Variants in PDE4B observed in about 807,000 individuals in gnomAD.
PDE4B encodes the protein 3',5'-cyclic-AMP phosphodiesterase 4B.
Under a neutral mutation model 82.2 loss-of-function variants are expected in PDE4B, and 20 were observed. The observed-to-expected ratio is 0.24, with a 90% confidence interval of 0.17 to 0.35. PDE4B has a LOEUF of 0.35. PDE4B is among the 10% of genes least tolerant of loss of function. The pLI, the probability that PDE4B is intolerant of heterozygous loss-of-function variation, is 1.00. For missense variants in PDE4B, 655 were observed against 907.2 expected (o/e 0.72, Z 3.57); for synonymous variants, 320 against 318.9 (o/e 1.00, Z -0.04).
chr1:65,913,239 C>T lies in PDE4B; in HGVS notation c.-70-6C>T. On this transcript the variant is annotated splice_region_variant and splice_polypyrimidine_tract_variant and intron_variant, in intron 1 of 16. Transcript: ENST00000341517. ...GTTCTTTTTTGTGTGTTTTTTTCTC[C>T]TGTAGGTATTAAAAAGTGTCAGCAA... The T allele has an allele frequency of 7.9e-7, 1 of 1,258,844 alleles. No individual in the cohort carries two copies. Among genetic ancestry groups the T allele is most frequent in the Non-Finnish European group, 1.2e-6 (1 of 860,064 alleles). 78.0% of individuals were successfully genotyped at this position (1,258,844 alleles called of 1,614,324 possible).
chr1:66,218,542 T>C (rs1250698565), intron 3 of PDE4B, among the ~76,000 whole-genome samples: 2 of 152,116 alleles, frequency 1.3e-5, no homozygotes, highest in Admixed American at 6.6e-5. Context: ...CTCATTTCAT[T>C]CTGTTTTCCA....
chr1:65,815,362 A>T (rs1054230912), intron 1 of PDE4B, among the ~76,000 whole-genome samples: 2 of 152,148 alleles, frequency 1.3e-5, no homozygotes, highest in South Asian at 4.1e-4. Flanking sequence ...AAGTCACGAG[A>T]CAACACAATT....
In PDE4B at chr1:66,287,847, C is replaced by T. The variant is rs146193978; in HGVS notation, c.634+21760C>T. Among the ~76,000 whole-genome samples the T allele has an allele frequency of 7.6e-4, 116 of 151,988 alleles. No homozygotes were observed. In the Middle Eastern group the frequency reaches 0.01, roughly 13 times the overall value. On this transcript the variant is annotated intron_variant, in intron 7 of 16. Transcript: ENST00000341517. Reference sequence around the variant, plus strand: ...AAGTAGCTGAGCATGGTGGTGTGTACTTGTAAGTCCTAGCTACTTGGGAGG... The same window carrying T: ...AAGTAGCTGAGCATGGTGGTGTGTATTTGTAAGTCCTAGCTACTTGGGAGG...
intron 3 of PDE4B, among the ~76,000 whole-genome samples, chr1:66,164,297 G>T (rs1355056236): frequency 1.3e-5 from 2 of 152,060 alleles, no homozygotes; most frequent in Non-Finnish European, 2.9e-5. Context: ...AGTGCTTTGG[G>T]AGGCCAAGGT....
intron 7 of PDE4B, among the ~76,000 whole-genome samples, chr1:66,267,834 CTTG>C (rs1482467569): frequency 6.6e-6 from 1 of 152,168 alleles, no homozygotes; most frequent in Non-Finnish European, 1.5e-5. Context: ...ACACACATCC[CTTG>C]TTTTGTTCTT....
intron 7 of PDE4B, among the ~76,000 whole-genome samples, chr1:66,272,173 G>A (rs1655538592): frequency 1.3e-5 from 2 of 152,180 alleles, no homozygotes; most frequent in African/African-American, 4.8e-5. Context: ...GGCATGGCAG[G>A]CAGAGCCCTT....
chr1:65,874,238 G>A (rs1218861858), intron 1 of PDE4B, among the ~76,000 whole-genome samples: 1 of 151,740 alleles, frequency 6.6e-6, no homozygotes, highest in Non-Finnish European at 1.5e-5. Context: ...TGGTGTATAA[G>A]AATGCTTGTG....
rs180677136 is a variant in PDE4B at position 66,080,601 on chromosome 1, C to T, written c.281+161766C>T. Among the ~76,000 whole-genome samples the T allele has an allele frequency of 2.5e-3, 378 of 152,208 alleles. 1 individual carries two copies. The highest frequency in any genetic ancestry group is 3.9e-3 in the Non-Finnish European group (263 of 68,002). ...AAACAAAGTGGGAAAAGCATGTCTT[C>T]GCCAGTGTGTCCCCAGGTGCTGAGG... On this transcript the variant is annotated intron_variant, in intron 3 of 16. Transcript: ENST00000341517.
chr1:65,844,305 T>C (rs988289058), intron 1 of PDE4B, among the ~76,000 whole-genome samples: 3 of 152,186 alleles, frequency 2.0e-5, no homozygotes, highest in African/African-American at 7.2e-5. Context: ...TCAGGTATCC[T>C]ACAATTTAGC....
At chr1:66,039,817 C>G (rs1485435822) in intron 3 of PDE4B, among the ~76,000 whole-genome samples, 1 of 151,846 alleles carries the variant, frequency 6.6e-6, no homozygotes, top group Non-Finnish European at 1.5e-5. Context: ...GTAGACAATT[C>G]ACAGTGGCTA....
chr1:66,321,524 CA>C, intron 7 of PDE4B, among the ~76,000 whole-genome samples: 1 of 152,214 alleles, frequency 6.6e-6, no homozygotes, highest in East Asian at 1.9e-4. Flanking sequence ...TTGTTTCTCA[CA>C]GTTCTGGAAG....
In PDE4B at chr1:65,970,509, T is replaced by G. The variant is rs915250536; in HGVS notation, c.281+51674T>G. ...AGTGACTATGTGTTTACAGTGGGTC[T>G]TATGATTTGGTAAGGACTTAAAATA... On this transcript the variant is annotated intron_variant, in intron 3 of 16. Transcript: ENST00000341517. Among the ~76,000 whole-genome samples the G allele has an allele frequency of 4.6e-5, 7 of 152,308 alleles. No homozygotes were observed. In the Middle Eastern group the frequency reaches 0.01, roughly 222 times the overall value.
chr1:65,794,736 T>C (rs1645612322), intron 1 of PDE4B, among the ~76,000 whole-genome samples: 1 of 152,244 alleles, frequency 6.6e-6, no homozygotes, highest in South Asian at 2.1e-4. Flanking sequence ...GTGCCAATTT[T>C]GTTAATTTAC....
intron 1 of PDE4B, among the ~76,000 whole-genome samples, chr1:65,912,343 T>A (rs1647102307): frequency 6.6e-6 from 1 of 152,276 alleles, no homozygotes; most frequent in South Asian, 2.1e-4. Flanking sequence ...TCAACCCAAA[T>A]AGTGAAGACA....
intron 1 of PDE4B, among the ~76,000 whole-genome samples, chr1:65,796,030 A>G (rs1645628261): frequency 6.6e-6 from 1 of 152,212 alleles, no homozygotes; most frequent in Non-Finnish European, 1.5e-5. Flanking sequence ...AGCACTTGAA[A>G]AATGTTATGT....
At chr1:65,844,437 T>C (rs545663891) in intron 1 of PDE4B, among the ~76,000 whole-genome samples, 1 of 152,188 alleles carries the variant, frequency 6.6e-6, no homozygotes, top group East Asian at 1.9e-4. Flanking sequence ...AGAGCTGGAC[T>C]CTCGCAGACC....
At chr1:65,795,629 G>A (rs116221724) in intron 1 of PDE4B, among the ~76,000 whole-genome samples, 34 of 152,326 alleles carry the variant, frequency 2.2e-4, no homozygotes, top group African/African-American at 6.7e-4. Context: ...CCTTTCCAGC[G>A]CAGCTCACAT....
chr1:66,208,985 G>A (rs1649798166), intron 3 of PDE4B, among the ~76,000 whole-genome samples: 1 of 152,184 alleles, frequency 6.6e-6, no homozygotes, highest in Admixed American at 6.5e-5. Flanking sequence ...TGACTACAAA[G>A]AACATGTTCT....
intron 3 of PDE4B, among the ~76,000 whole-genome samples, chr1:65,963,935 A>G (rs1406209976): frequency 6.6e-5 from 10 of 152,172 alleles, no homozygotes. Flanking sequence ...TTATGCTTGT[A>G]TGTAAAAATC....
Sources: allele counts gnomAD v4.1 joint callset (sites outside exome capture counted in the v4.1 genomes callset), GRCh38; gene constraint gnomAD v4.1.1; transcripts MANE v1.5; gene names NCBI Gene and HGNC (gene_info 2026-07-23, HGNC 2026-07-21).